MB21D2: variants seen among roughly 807,000 people sequenced by gnomAD.
MB21D2 encodes nucleotidyltransferase MB21D2.
Under a neutral mutation model 33.3 loss-of-function variants are expected in MB21D2, and 9 were observed. The observed-to-expected ratio is 0.27, with a 90% CI of 0.16 to 0.47. The LOEUF (loss-of-function observed/expected upper bound fraction) is 0.47. Among genes scored for constraint, MB21D2 ranks in the 20% least tolerant of loss-of-function variants. The pLI is 0.99. For missense variants in MB21D2, 540 were observed against 624.6 expected (o/e 0.86, Z 1.44); for synonymous variants, 241 against 236.3 (o/e 1.02, Z -0.18).
chr3:192,820,347 C>T (rs1712017473), intron 1 of MB21D2, among the ~76,000 whole-genome samples: 1 of 152,058 alleles, frequency 6.6e-6, no homozygotes, highest in South Asian at 2.1e-4. Context: ...CCTTTAACTC[C>T]CCCGAGATAA....
At chr3:192,819,075 C>G (rs183877822) in intron 1 of MB21D2, among the ~76,000 whole-genome samples, 13 of 152,194 alleles carry the variant, frequency 8.5e-5, no homozygotes, top group Admixed American at 5.9e-4. Context: ...ATAAGTGACT[C>G]ATAGTTTTCC....
At chr3:192,916,098 T>TTATATATA (rs55749042) in intron 1 of MB21D2, among the ~76,000 whole-genome samples, 1,923 of 139,096 alleles carry the variant, frequency 0.014, 20 homozygotes, top group South Asian at 0.028. Flanking sequence ...CTACCAGGTT[T>TTATATATA]TATATATATA....
At chr3:192,894,043 AAAT>A (rs1159791907) in intron 1 of MB21D2, among the ~76,000 whole-genome samples, 1 of 151,994 alleles carries the variant, frequency 6.6e-6, no homozygotes, top group East Asian at 1.9e-4. Flanking sequence ...TCTAAAAAAG[AAAT>A]AATTTAAAGA....
At chr3:192,819,601 A>G (rs2108615687) in intron 1 of MB21D2, among the ~76,000 whole-genome samples, 1 of 152,348 alleles carries the variant, frequency 6.6e-6, no homozygotes, top group African/African-American at 2.4e-5. Flanking sequence ...AGAAAGGGTT[A>G]GAAAATCACT....
intron 1 of MB21D2, among the ~76,000 whole-genome samples, chr3:192,855,890 T>C (rs950470653): frequency 6.6e-6 from 1 of 152,156 alleles, no homozygotes; most frequent in Non-Finnish European, 1.5e-5. Context: ...CTGGCCAACA[T>C]GGCGAAAGCC....
intron 1 of MB21D2, among the ~76,000 whole-genome samples, chr3:192,888,031 T>A (rs1476670616): frequency 1.3e-5 from 2 of 152,026 alleles, no homozygotes; most frequent in African/African-American, 2.4e-5. Context: ...AGGCTTTATT[T>A]AAATTGCATA....
At chr3:192,899,490 C>T (rs6786283) in intron 1 of MB21D2, among the ~76,000 whole-genome samples, 90,146 of 151,612 alleles carry the variant, frequency 0.59, 27,106 homozygotes, top group African/African-American at 0.65. Context: ...GATCACGCCA[C>T]TGCACTCCAG....
At chr3:192,882,054 G>T (rs556629833) in intron 1 of MB21D2, among the ~76,000 whole-genome samples, 2 of 152,144 alleles carry the variant, frequency 1.3e-5, no homozygotes, top group East Asian at 3.9e-4. Flanking sequence ...ACTCCTTGAG[G>T]GCAAGGGTCG....
chr3:192,859,688 T>A (rs916616785), intron 1 of MB21D2, among the ~76,000 whole-genome samples: 3 of 151,934 alleles, frequency 2.0e-5, no homozygotes, highest in African/African-American at 7.3e-5. Flanking sequence ...AAAGAATGAA[T>A]AAACAAATGA....
intron 1 of MB21D2, among the ~76,000 whole-genome samples, chr3:192,865,273 G>A (rs1713145588): frequency 6.6e-6 from 1 of 152,194 alleles, no homozygotes; most frequent in Admixed American, 6.5e-5. Flanking sequence ...GCATGAATGA[G>A]GCTGGAAGGA....
At position 192,894,108 on chromosome 3, in the gene MB21D2, C is replaced by G. The variant is rs1483638103; in HGVS notation, c.211+23522G>C. ...CCTGTTCAAGCTCTTCTCTCCCCAG[C>G]AAATTTTTGTTGTTTTTGTTTTGTG... is the stretch of plus-strand genomic sequence containing the variant. On this transcript the variant is annotated intron_variant, in intron 1 of 1. Coordinates refer to ENST00000392452, the MANE Select transcript of MB21D2 (RefSeq NM_178496.4). Among the ~76,000 whole-genome samples, 3 of 151,960 alleles carry G rather than the reference C, an allele frequency of 2.0e-5. No homozygotes were observed. In the East Asian group the frequency reaches 5.8e-4, roughly 29 times the overall value.
At chr3:192,833,948 C>A (rs935366544) in intron 1 of MB21D2, among the ~76,000 whole-genome samples, 2 of 152,160 alleles carry the variant, frequency 1.3e-5, no homozygotes, top group African/African-American at 4.8e-5. Flanking sequence ...CCATGACACT[C>A]ACAATATGGC....
At chr3:192,869,231 C>T (rs1340800250) in intron 1 of MB21D2, among the ~76,000 whole-genome samples, 3 of 137,210 alleles carry the variant, frequency 2.2e-5, no homozygotes, top group African/African-American at 8.3e-5. Flanking sequence ...ACTCCAGCCT[C>T]GGCGACAGAG....
chr3:192,847,491 A>T (rs1161994839), intron 1 of MB21D2, among the ~76,000 whole-genome samples: 1 of 152,196 alleles, frequency 6.6e-6, no homozygotes, highest in Non-Finnish European at 1.5e-5. Context: ...TCCTCATTGT[A>T]AAATATGATC....
intron 1 of MB21D2, among the ~76,000 whole-genome samples, chr3:192,915,501 T>C (rs1439324821): frequency 6.6e-6 from 1 of 152,274 alleles, no homozygotes; most frequent in Non-Finnish European, 1.5e-5. Context: ...ATCTGCCTTC[T>C]AGTGTCCAGA....
intron 1 of MB21D2, among the ~76,000 whole-genome samples, chr3:192,872,153 A>G (rs941981004): frequency 6.6e-6 from 1 of 152,154 alleles, no homozygotes; most frequent in Non-Finnish European, 1.5e-5. Flanking sequence ...TCAAAACCCC[A>G]CCTGTTTCTA....
chr3:192,874,136 A>C (rs1340658199), intron 1 of MB21D2, among the ~76,000 whole-genome samples: 1 of 152,200 alleles, frequency 6.6e-6, no homozygotes, highest in Non-Finnish European at 1.5e-5. Flanking sequence ...AGGCATAAAG[A>C]AGCATCCAGG....
chr3:192,850,378 T>C (rs1712772604), intron 1 of MB21D2, among the ~76,000 whole-genome samples: 1 of 152,160 alleles, frequency 6.6e-6, no homozygotes, highest in Non-Finnish European at 1.5e-5. Context: ...GGACAGACTG[T>C]ATACCTCTCA....
intron 1 of MB21D2, among the ~76,000 whole-genome samples, chr3:192,816,427 A>T (rs910189230): frequency 6.6e-6 from 1 of 152,212 alleles, no homozygotes. Context: ...GAAACTCTCC[A>T]GTAAAATCAC....
Sources: allele counts gnomAD v4.1 joint callset (sites outside exome capture counted in the v4.1 genomes callset), GRCh38; gene constraint gnomAD v4.1.1; transcripts MANE v1.5; gene names NCBI Gene and HGNC (gene_info 2026-07-23, HGNC 2026-07-21).